CIITA: variants seen among roughly 807,000 people sequenced by gnomAD.
The protein encoded by CIITA is MHC class II transactivator.
In CIITA, 72 loss-of-function variants were observed where a neutral mutation model predicts 115.1. The observed-to-expected ratio is 0.63, with a 90% CI of 0.52 to 0.76. The LOEUF (loss-of-function observed/expected upper bound fraction) is 0.76. Among genes scored for constraint, CIITA ranks in the 30% least tolerant of loss-of-function variants. The probability of loss-of-function intolerance (pLI) is 0.00; values close to 1 mark genes in which losing one functional copy is unlikely to be tolerated. For synonymous variants in CIITA, 763 were observed against 635.6 expected, an observed-to-expected ratio of 1.20 and a Z score of -3.02; for missense variants, 1,617 against 1,463.8, an observed-to-expected ratio of 1.10 and a Z score of -1.71.
chr16:10,938,386 G>A (rs1184111095), downstream of CIITA: 5 of 152,128 alleles, frequency 3.3e-5, no homozygotes, highest in African/African-American at 1.2e-4. The surrounding 1 kb of genome is among the most constrained non-coding windows in gnomAD (Gnocchi z 4.9). Flanking sequence ...AAAAAAAAGA[G>A]GGAGCAAAAG....
rs546564294 is a variant in CIITA at position 10,879,583 on chromosome 16, A to C, written c.52+2201A>C. Reference sequence around the variant, plus strand: ...CAAACCTTTAACCAGAGGATGGGATAAGTCCTCAACTCTCGTTGAACATCT... The same window carrying C: ...CAAACCTTTAACCAGAGGATGGGATCAGTCCTCAACTCTCGTTGAACATCT... On this transcript the variant is annotated intron_variant, in intron 1 of 19. Transcript: ENST00000324288. The surrounding 1 kb of genome is among the most constrained non-coding windows in gnomAD (Gnocchi z 4.3). 6.6e-6 allele frequency among the ~76,000 whole-genome samples: 1 copy of C among 152,194 alleles called. No individual in the cohort carries two copies. Among genetic ancestry groups the C allele is most frequent in the East Asian group, 1.9e-4 (1 of 5,162 alleles).
At chr16:10,906,160 G>A (rs1273998009) in intron 10 of CIITA, among the ~76,000 whole-genome samples, 8 of 151,892 alleles carry the variant, frequency 5.3e-5, no homozygotes, top group Admixed American at 1.3e-4. Flanking sequence ...GCCATTGCAC[G>A]CCAGCCTGGG....
At chr16:10,940,090 T>A (rs576820045), downstream of CIITA, 1 of 152,424 alleles carries the variant, frequency 6.6e-6, no homozygotes, top group Admixed American at 6.5e-5. This position sits in a 1 kb window ranked among gnomAD's most constrained non-coding sequence, Gnocchi z 4.2. Flanking sequence ...GAAATCTCAC[T>A]GTGAACCCAT....
At chr16:10,903,601 T>G (rs998398706) in intron 8 of CIITA, 130 bp from the exon 9 acceptor site, 22 of 977,422 alleles carry the variant, frequency 2.3e-5, no homozygotes, top group Non-Finnish European at 3.2e-5. Context: ...AATATCTTCC[T>G]TTGGAAGTTC....
intron 1 of CIITA, among the ~76,000 whole-genome samples, chr16:10,869,392 C>T (rs2143202412): frequency 6.6e-6 from 1 of 152,330 alleles, no homozygotes; most frequent in Non-Finnish European, 1.5e-5. Context: ...TAAGCATTTT[C>T]TTGGTCAACC....
rs2040562755 is a variant in CIITA at position 10,927,097 on chromosome 16, CTTTA to C, written c.*3244_*3247del. 6.6e-6 allele frequency: 1 copy of C among 152,234 alleles called. No individual in the cohort carries two copies. The highest frequency in any genetic ancestry group is 6.5e-5 in the Admixed American group (1 of 15,288). 9.4% of individuals were successfully genotyped at this position (152,234 alleles called of 1,614,324 possible). A position where few individuals can be genotyped will look rare whatever the true frequency, so the allele number is the denominator to read the frequency against. On this transcript the variant is annotated 3_prime_UTR_variant, in exon 20 of 20. Transcript: ENST00000324288. ...AAAATGGGCATAACCACAGCACCTT[CTTTA>C]TAGGATTATGTGAAGGTGTGGTGAG...
At chr16:10,880,715 T>G (rs1461095443) in intron 1 of CIITA, among the ~76,000 whole-genome samples, 1 of 152,130 alleles carries the variant, frequency 6.6e-6, no homozygotes, top group Non-Finnish European at 1.5e-5. Flanking sequence ...AATCAGAAAT[T>G]AACCCAAGGA....
rs2040226317 is a variant in CIITA at position 10,920,756 on chromosome 16, C to A, written c.3150-1411C>A. ...TCCCTGTGGGGTGGAGGAAGGGTCTCCAGGGTTCAGAGATTGCAAAACCCC... is the reference window on the plus strand; with the variant it reads ...TCCCTGTGGGGTGGAGGAAGGGTCTACAGGGTTCAGAGATTGCAAAACCCC... On this transcript the variant is annotated intron_variant, in intron 16 of 19. Transcript: ENST00000324288. This position sits in a 1 kb window ranked among gnomAD's most constrained non-coding sequence, Gnocchi z 4.5. Among the ~76,000 whole-genome samples, 1 of 152,196 alleles carries A rather than the reference C, an allele frequency of 6.6e-6. No individual in the cohort carries two copies. The highest frequency in any genetic ancestry group is 2.1e-4 in the South Asian group (1 of 4,836).
intron 3 of CIITA, among the ~76,000 whole-genome samples, chr16:10,897,628 T>C (rs1596508035): frequency 6.6e-6 from 1 of 152,202 alleles, no homozygotes; most frequent in African/African-American, 2.4e-5. Context: ...TCCTGAAATA[T>C]GACCTTAGCT....
At chr16:10,895,596 C>T (rs1158014156) in intron 2 of CIITA, 73 bp from the exon 3 acceptor site, 32 of 1,589,692 alleles carry the variant, frequency 2.0e-5, no homozygotes, top group Non-Finnish European at 2.6e-5. Flanking sequence ...AGCCCTGCCC[C>T]GCCTCTCCCT....
At chr16:10,880,424 TTTAC>T (rs2036307740) in intron 1 of CIITA, among the ~76,000 whole-genome samples, 1 of 152,346 alleles carries the variant, frequency 6.6e-6, no homozygotes, top group Non-Finnish European at 1.5e-5. Context: ...GTCTCATCTC[TTTAC>T]TCTCTCCCTG....
chr16:10,916,012 C>T (rs2039925800), intron 14 of CIITA, among the ~76,000 whole-genome samples: 1 of 152,250 alleles, frequency 6.6e-6, no homozygotes, highest in South Asian at 2.1e-4. Context: ...CTCCTTTCCT[C>T]ACAACCTCAT....
Position 10,918,529 on chromosome 16 carries a change from G to T in CIITA, c.3149+3G>T. On this transcript the variant is annotated splice_donor_region_variant and intron_variant, in intron 16 of 19. Transcript: ENST00000324288. The stretch of plus-strand genomic sequence containing the variant: ...GCTGCATCCCTGCTCAGGCTAAGGT[G>T]AGTGGGGCCCCGGATACCGGTCAGG... 1 of 1,613,974 alleles carries T rather than the reference G, an allele frequency of 6.2e-7. No homozygotes were observed. The highest frequency in any genetic ancestry group is 8.5e-7 in the Non-Finnish European group (1 of 1,180,002).
chr16:10,914,221 C>A (rs1163855996), intron 13 of CIITA, among the ~76,000 whole-genome samples: 1 of 152,064 alleles, frequency 6.6e-6, no homozygotes, highest in Non-Finnish European at 1.5e-5. Flanking sequence ...CCAAGAACCC[C>A]CATAAGATTG....
intron 1 of CIITA, among the ~76,000 whole-genome samples, chr16:10,870,897 C>T (rs1266453447): frequency 1.3e-5 from 2 of 152,152 alleles, no homozygotes; most frequent in African/African-American, 4.8e-5. Context: ...GTTTGAGGCA[C>T]CAAGAAAAAT....
chr16:10,907,976 G>A lies in CIITA; in HGVS notation c.2484G>A (p.Glu828=). 1 of 1,581,658 alleles carries A rather than the reference G, an allele frequency of 6.3e-7. No individual in the cohort carries two copies. Among genetic ancestry groups the A allele is most frequent in the South Asian group, 1.2e-5 (1 of 85,734 alleles). The change falls in exon 11 of 20, where the codon GAG becomes GAA. Residue 828 remains glutamate (E), a synonymous_variant. Coordinates refer to ENST00000324288, the MANE Select transcript of CIITA (RefSeq NM_000246.4). This position sits in a 1 kb window ranked among gnomAD's most constrained non-coding sequence, Gnocchi z 5.0. ...GAATTTGGCAGCACGTGGTACAGGA[G>A]CTCCCCGGCCGCCTCTCTTTTCTGG... The part of the protein sequence containing the change: ...EAGIWQHVVQ[E]LPGRLSFLGT...
upstream of CIITA, among the ~76,000 whole-genome samples, chr16:10,876,092 G>C (rs1024583271): frequency 6.6e-5 from 10 of 152,342 alleles, no homozygotes; most frequent in East Asian, 1.9e-3. Flanking sequence ...GGGAGGCGGA[G>C]GTTGCAGCGA....
chr16:10,915,198 C>A, intron 13 of CIITA: 1 of 379,968 alleles, frequency 2.6e-6, no homozygotes, highest in Non-Finnish European at 5.1e-6. Flanking sequence ...CCACAGGACA[C>A]ACCACCACAC....
rs537557924 is a variant in CIITA at position 10,923,096 on chromosome 16, G to A, written c.3318-132G>A. 6.9e-5 allele frequency: 54 copies of A among 786,456 alleles called. No individual in the cohort carries two copies. Among genetic ancestry groups the A allele is most frequent in the Middle Eastern group, 2.6e-4 (1 of 3,900 alleles). The allele number at this position is 786,456 out of a possible 1,614,324, so 48.7% of individuals were successfully genotyped here. On this transcript the variant is annotated intron_variant, in intron 18 of 19. Coordinates refer to ENST00000324288, the MANE Select transcript of CIITA (RefSeq NM_000246.4). The surrounding 1 kb of genome is among the most constrained non-coding windows in gnomAD (Gnocchi z 5.2). ...CTTTTCCCCATGACCCACACCGGTCGGTATCTTGCCAGGGGAAAAGTCCCC... is the reference window on the plus strand; with the variant it reads ...CTTTTCCCCATGACCCACACCGGTCAGTATCTTGCCAGGGGAAAAGTCCCC...
Sources: allele counts gnomAD v4.1 joint callset (sites outside exome capture counted in the v4.1 genomes callset), GRCh38; gene constraint gnomAD v4.1.1; non-coding constraint Gnocchi (gnomAD v3.1); transcripts MANE v1.5; gene names NCBI Gene and HGNC (gene_info 2026-07-23, HGNC 2026-07-21).